Variants in PFKP observed in about 807,000 individuals in gnomAD.
The protein encoded by PFKP is ATP-dependent 6-phosphofructokinase, platelet type.
In PFKP, 101 loss-of-function variants were observed where a neutral mutation model predicts 94.3. The observed-to-expected ratio is 1.07, with a 90% CI of 0.91 to 1.26. The LOEUF (loss-of-function observed/expected upper bound fraction) is 1.26. PFKP is among the 50% of genes most tolerant of loss of function. PFKP has a pLI of 0.00. For synonymous variants in PFKP, 573 were observed against 432.6 expected, an observed-to-expected ratio of 1.32 and a Z score of -4.03; for missense variants, 1,145 against 1,103.3, an observed-to-expected ratio of 1.04 and a Z score of -0.53.
At chr10:3,101,045 G>T (rs770402133) in intron 3 of PFKP, 12 of 1,476,224 alleles carry the variant, frequency 8.1e-6, no homozygotes, top group Non-Finnish European at 1.1e-5. Context: ...GGTTGAGCTC[G>T]TTGGCCGGTG....
chr10:3,127,578 C>A (rs1490409678), intron 16 of PFKP, among the ~76,000 whole-genome samples: 1 of 152,182 alleles, frequency 6.6e-6, no homozygotes, highest in Non-Finnish European at 1.5e-5. Flanking sequence ...AGCCTTACAG[C>A]GTCTTAAGTC....
At chr10:3,082,589 A>T in intron 2 of PFKP, 128 bp downstream of exon 2, 1 of 537,894 alleles carries the variant, frequency 1.9e-6, no homozygotes, top group Non-Finnish European at 3.1e-6. Flanking sequence ...GGGGAGCAAG[A>T]TCCTGCCAGC....
intron 9 of PFKP, 59 bp from the exon 10 acceptor site, chr10:3,109,296 G>C: frequency 6.3e-7 from 1 of 1,599,256 alleles, no homozygotes; most frequent in Non-Finnish European, 8.5e-7. Flanking sequence ...AAGATAGGAG[G>C]TGACAGGGAC....
chr10:3,079,469 C>G (rs187372178), intron 1 of PFKP, among the ~76,000 whole-genome samples: 1 of 151,952 alleles, frequency 6.6e-6, no homozygotes, highest in Non-Finnish European at 1.5e-5. Context: ...CTCCTGACCT[C>G]GTGATCTGCC....
chr10:3,113,842 C>G (rs181449862), intron 13 of PFKP, among the ~76,000 whole-genome samples: 3 of 151,872 alleles, frequency 2.0e-5, no homozygotes, highest in African/African-American at 7.3e-5. Flanking sequence ...TTTGTTTAAA[C>G]CGGGCACTGG....
chr10:3,088,374 A>G (rs189714730), intron 2 of PFKP, among the ~76,000 whole-genome samples: 4 of 152,004 alleles, frequency 2.6e-5, no homozygotes, highest in African/African-American at 9.7e-5. Context: ...TATGTGCCAC[A>G]TTTTCTTAAT....
chr10:3,125,606 C>A (rs972886306), intron 16 of PFKP, among the ~76,000 whole-genome samples: 1 of 151,192 alleles, frequency 6.6e-6, no homozygotes, highest in African/African-American at 2.4e-5. Context: ...GTGTAAATGC[C>A]CGGTAAGTAC....
chr10:3,115,448 G>A lies in PFKP; in HGVS notation c.1372-1328G>A, dbSNP rs1342847653. On this transcript the variant is annotated intron_variant, in intron 13 of 21. Coordinates refer to ENST00000381125, the MANE Select transcript of PFKP (RefSeq NM_002627.5). ...CATGGAGGACAGGACTGGGGATGCC[G>A]GGGTGAAGGTGTGTGTCCCGCCATG... is the stretch of plus-strand genomic sequence containing the variant. Among the ~76,000 whole-genome samples the A allele has an allele frequency of 5.8e-4, 10 of 17,370 alleles. 5 individuals carry two copies. In the East Asian group the frequency reaches 0.042, roughly 73 times the overall value. 11.4% of individuals were successfully genotyped at this position (17,370 alleles called of 152,430 possible).
chr10:3,071,427 G>GTTTTTTTTTTTTTTTTTTTT (rs569603765), intron 1 of PFKP, among the ~76,000 whole-genome samples: 5 of 92,470 alleles, frequency 5.4e-5, no homozygotes, highest in African/African-American at 1.2e-4. Context: ...GTCTCAGGCT[G>GTTTTTTTTTTTTTTTTTTTT]TTTTTTTTTT....
At chr10:3,080,974 T>TTTTGAAATGCTGAGTTTGA (rs771968916) in intron 1 of PFKP, among the ~76,000 whole-genome samples, 13 of 152,204 alleles carry the variant, frequency 8.5e-5, no homozygotes, top group Non-Finnish European at 1.6e-4. Flanking sequence ...ATGACCTGCA[T>TTTTGAAATGCTGAGTTTGA]TTTGAAATGC....
Position 3,067,766 on chromosome 10 carries a change from G to GGACGGAC in PFKP, c.112+60_112+61insACGGACG, listed in dbSNP as rs1487462522. ...CGGACGGACGGAGCTGGGGAGAACC[G>GGACGGAC]GGCGAAGGCGATGGGGTGACCGGAG... On this transcript the variant is annotated intron_variant, in intron 1 of 21. Transcript: ENST00000381125. 1,862 of 900,812 alleles carry GGACGGAC rather than the reference G, an allele frequency of 2.1e-3. 34 individuals are homozygous for GGACGGAC. The highest frequency in any genetic ancestry group is 7.7e-3 in the East Asian group (233 of 30,310). The allele number at this position is 900,812 out of a possible 1,614,324, so 55.8% of individuals were successfully genotyped here. A position where few individuals can be genotyped will look rare whatever the true frequency, so the allele number is the denominator to read the frequency against.
chr10:3,086,821 G>A (rs1332003258), intron 2 of PFKP, among the ~76,000 whole-genome samples: 1 of 152,068 alleles, frequency 6.6e-6, no homozygotes, highest in East Asian at 1.9e-4. Flanking sequence ...GATTTTTATT[G>A]GTCACTGTGT....
At chr10:3,114,996 A>G (rs996176531) in intron 13 of PFKP, among the ~76,000 whole-genome samples, 1 of 152,220 alleles carries the variant, frequency 6.6e-6, no homozygotes, top group Non-Finnish European at 1.5e-5. Flanking sequence ...GCTACTGTGC[A>G]GATGGCGAGA....
Position 3,105,097 on chromosome 10 carries a change from CCT to C in PFKP, c.621-15_621-14del, listed in dbSNP as rs1554768202. 3.1e-6 allele frequency: 5 copies of C among 1,613,402 alleles called. No individual in the cohort carries two copies. The highest frequency in any genetic ancestry group is 4.2e-6 in the Non-Finnish European group (5 of 1,179,422). On this transcript the variant is annotated splice_polypyrimidine_tract_variant and intron_variant, in intron 5 of 21. Coordinates refer to ENST00000381125, the MANE Select transcript of PFKP (RefSeq NM_002627.5). ...GCTTTCTGAGCTGTGTCCGGGGCTC[CCT>C]CTGTTTCTCTTCCAGCCACCAGAGG...
intron 13 of PFKP, among the ~76,000 whole-genome samples, chr10:3,116,293 G>A (rs1307153654): frequency 1.3e-5 from 2 of 152,212 alleles, no homozygotes; most frequent in African/African-American, 4.8e-5. Flanking sequence ...AAGCTGCGGA[G>A]CTGGGGTTCG....
intron 8 of PFKP, chr10:3,107,988 A>G: frequency 7.8e-7 from 1 of 1,289,684 alleles, no homozygotes; most frequent in Non-Finnish European, 1.0e-6. Context: ...CGGCTTCTTT[A>G]TTGTGCTTTG....
chr10:3,080,288 C>T (rs551631414), intron 1 of PFKP, among the ~76,000 whole-genome samples: 5 of 152,168 alleles, frequency 3.3e-5, no homozygotes, highest in South Asian at 2.1e-4. Context: ...GAGGCTGAGG[C>T]GGATGGATCA....
chr10:3,095,817 C>T (rs2388595), intron 2 of PFKP, among the ~76,000 whole-genome samples: 58,684 of 152,100 alleles, frequency 0.39, 11,329 homozygotes, highest in Middle Eastern at 0.44. Context: ...AGAACTGCGG[C>T]TGGTAGTTGC....
intron 5 of PFKP, chr10:3,104,712 T>C: frequency 3.5e-6 from 1 of 288,666 alleles, no homozygotes; most frequent in Non-Finnish European, 6.6e-6. Context: ...TTAGTGAGTC[T>C]GGCACTCACT....
Sources: gnomAD v4.1 joint callset for allele counts (sites outside exome capture counted in the v4.1 genomes callset) on GRCh38, gnomAD v4.1.1 for gene constraint, MANE v1.5 for transcripts, NCBI Gene and HGNC (gene_info 2026-07-23, HGNC 2026-07-21) for gene names.